SPDYE14: variants seen among roughly 807,000 people sequenced by gnomAD.
SPDYE14 encodes speedy protein E14.
At chr7:75,247,485 G>A in the SPDYE14 span, among the ~76,000 whole-genome samples, 17 of 114,860 alleles carry the variant, frequency 1.5e-4, 1 homozygote, top group African/African-American at 3.3e-4. Context: ...AGAAAGAAAA[G>A]AAAGAAAGAA....
the SPDYE14 span, among the ~76,000 whole-genome samples, chr7:75,249,576 T>TC: frequency 9.1e-6 from 1 of 109,924 alleles, no homozygotes; most frequent in African/African-American, 3.7e-5. Context: ...CTTCCTTCCT[T>TC]CTTTCCTTCC....
At chr7:75,278,284 G>A in the SPDYE14 span, among the ~76,000 whole-genome samples, 46 of 53,350 alleles carry the variant, frequency 8.6e-4, 20 homozygotes, top group Non-Finnish European at 1.8e-3. Flanking sequence ...GTGACCAAAC[G>A]TAAGAGAAAA....
chr7:75,251,637 C>T, the SPDYE14 span, among the ~76,000 whole-genome samples: 1 of 18,282 alleles, frequency 5.5e-5, no homozygotes, highest in African/African-American at 1.7e-4. Context: ...GCTGGGATGA[C>T]GGTTGTGAGC....
At chr7:75,240,299 GAA>G in the SPDYE14 span, among the ~76,000 whole-genome samples, 1 of 51,388 alleles carries the variant, frequency 1.9e-5, no homozygotes, top group African/African-American at 4.9e-5. Context: ...AGTTTCTTAA[GAA>G]AAAAAAAAAC....
At chr7:75,241,695 AT>A in the SPDYE14 span, among the ~76,000 whole-genome samples, 2,571 of 15,462 alleles carry the variant, frequency 0.17, 253 homozygotes, top group Non-Finnish European at 0.2. Context: ...ATATATATAT[AT>A]TTTTTTTTTT....
chr7:75,276,595 A>C, the SPDYE14 span, among the ~76,000 whole-genome samples: 2 of 41,984 alleles, frequency 4.8e-5, no homozygotes, highest in African/African-American at 1.1e-4. Context: ...AAAAAAAAAA[A>C]AACAAATCTG....
chr7:75,258,705 C>CT, the SPDYE14 span, among the ~76,000 whole-genome samples: 2 of 58,532 alleles, frequency 3.4e-5, no homozygotes, highest in African/African-American at 4.3e-5. Context: ...ACTTTTCCAT[C>CT]TATAAATTGG....
chr7:75,265,437 G>A, the SPDYE14 span, among the ~76,000 whole-genome samples: 1 of 21,576 alleles, frequency 4.6e-5, no homozygotes, highest in Non-Finnish European at 8.3e-5. Context: ...CCATCCTGAG[G>A]TTGGGCGCAG....
chr7:75,266,149 CTTTTTTTTTTTTTTTT>C, the SPDYE14 span, among the ~76,000 whole-genome samples: 1 of 10,132 alleles, frequency 9.9e-5, no homozygotes, highest in African/African-American at 2.1e-4. Flanking sequence ...CTTTCTTTTC[CTTTTTTTTTTTTTTTT>C]TTTTTTTTTG....
At chr7:75,241,680 A>T in the SPDYE14 span, among the ~76,000 whole-genome samples, 10,552 of 19,762 alleles carry the variant, frequency 0.53, 3,996 homozygotes, top group Middle Eastern at 0.9. Context: ...AAAAAAAAAA[A>T]ATATATATAT....
the SPDYE14 span, among the ~76,000 whole-genome samples, chr7:75,279,300 C>CT: frequency 2.9e-4 from 18 of 62,318 alleles, no homozygotes; most frequent in East Asian, 9.1e-4. Context: ...CTTTTTCTTT[C>CT]TTTTGAGACA....
At chr7:75,257,304 G>T in the SPDYE14 span, among the ~76,000 whole-genome samples, 1 of 114,770 alleles carries the variant, frequency 8.7e-6, no homozygotes, top group African/African-American at 3.3e-5. Flanking sequence ...ATGAATGCAT[G>T]GACAAAGCAA....
the SPDYE14 span, among the ~76,000 whole-genome samples, chr7:75,241,691 A>ATT: frequency 3.9e-5 from 1 of 25,454 alleles, no homozygotes; most frequent in African/African-American, 9.6e-5. Flanking sequence ...ATATATATAT[A>ATT]TATATTTTTT....
At chr7:75,240,225 CAA>C in the SPDYE14 span, among the ~76,000 whole-genome samples, 1 of 15,940 alleles carries the variant, frequency 6.3e-5, no homozygotes, top group African/African-American at 1.6e-4. Context: ...GCCTCCATCT[CAA>C]AAAAAAAAAA....
At chr7:75,273,398 G>A in the SPDYE14 span, among the ~76,000 whole-genome samples, 1 of 59,620 alleles carries the variant, frequency 1.7e-5, no homozygotes, top group African/African-American at 4.0e-5. Context: ...TTTGCTGGGC[G>A]TGGTGGCAGA....
the SPDYE14 span, among the ~76,000 whole-genome samples, chr7:75,244,885 G>T: frequency 1.6e-5 from 1 of 63,592 alleles, no homozygotes; most frequent in Non-Finnish European, 3.9e-5. Context: ...CCTGATGTCA[G>T]AAATTTGAGA....
the SPDYE14 span, among the ~76,000 whole-genome samples, chr7:75,266,149 C>CT: frequency 6.5e-3 from 66 of 10,146 alleles, 3 homozygotes; most frequent in African/African-American, 8.3e-3. Context: ...CTTTCTTTTC[C>CT]TTTTTTTTTT....
chr7:75,251,752 G>A, the SPDYE14 span, among the ~76,000 whole-genome samples: 2 of 17,550 alleles, frequency 1.1e-4, 1 homozygote, highest in East Asian at 9.3e-3. Context: ...AGGGGGGGTG[G>A]ATCACTTGAG....
the SPDYE14 span, among the ~76,000 whole-genome samples, chr7:75,279,320 T>C: frequency 3.1e-3 from 193 of 62,254 alleles, no homozygotes; most frequent in Non-Finnish European, 4.4e-3. Flanking sequence ...AGAGTCTCAC[T>C]CTGTCACCCA....
Sources: gnomAD v4.1 joint callset for allele counts (sites outside exome capture counted in the v4.1 genomes callset) on GRCh38, gnomAD v4.1.1 for gene constraint, MANE v1.5 for transcripts, NCBI Gene and HGNC (gene_info 2026-07-23, HGNC 2026-07-21) for gene names.